RORB: variants seen among roughly 807,000 people sequenced by gnomAD.
The protein encoded by RORB is RAR related orphan receptor B.
RORB carries 6 observed loss-of-function variants against 59.1 expected under a neutral mutation model. The ratio of observed to expected loss-of-function variants is 0.10; its 90% confidence interval spans 0.06 to 0.20. RORB has a LOEUF of 0.20. Ranked by LOEUF, RORB falls within the 10% of genes least tolerant of loss-of-function variation. The pLI is 1.00. For synonymous variants in RORB, 215 were observed against 204.5 expected (o/e 1.05, Z -0.44); for missense variants, 320 against 560.5 (o/e 0.57, Z 4.33).
chr9:74,521,833 T>G (rs2118070936), intron 1 of RORB, among the ~76,000 whole-genome samples: 1 of 151,968 alleles, frequency 6.6e-6, no homozygotes, highest in Non-Finnish European at 1.5e-5. Flanking sequence ...TTTCCTAATC[T>G]GTAATAGTAT....
intron 4 of RORB, among the ~76,000 whole-genome samples, chr9:74,654,174 A>C (rs886424059): frequency 3.3e-5 from 5 of 152,156 alleles, no homozygotes; most frequent in African/African-American, 1.2e-4. Context: ...TGACCTTTTA[A>C]AACTCTATTT....
chr9:74,602,534 A>C (rs1823082117), intron 1 of RORB, among the ~76,000 whole-genome samples: 1 of 152,226 alleles, frequency 6.6e-6, no homozygotes, highest in Non-Finnish European at 1.5e-5. Context: ...CAGGATACAC[A>C]TGATGACAAG....
intron 9 of RORB, among the ~76,000 whole-genome samples, chr9:74,684,503 A>G (rs1824603867): frequency 1.3e-5 from 2 of 151,270 alleles, no homozygotes; most frequent in Admixed American, 6.6e-5. Context: ...TAATTTTGAC[A>G]CAAAAATGAT....
chr9:74,669,746 G>T (rs1386287185), intron 8 of RORB, among the ~76,000 whole-genome samples: 1 of 152,044 alleles, frequency 6.6e-6, no homozygotes, highest in Non-Finnish European at 1.5e-5. Context: ...TATCTGTAGA[G>T]ACCAGATGTC....
At chr9:74,624,799 T>G (rs947619190) in intron 1 of RORB, among the ~76,000 whole-genome samples, 1 of 152,218 alleles carries the variant, frequency 6.6e-6, no homozygotes, top group Non-Finnish European at 1.5e-5. Context: ...TGAGACCATC[T>G]GCAAAAGGAT....
At chr9:74,611,675 G>A (rs1446800267) in intron 1 of RORB, among the ~76,000 whole-genome samples, 1 of 152,114 alleles carries the variant, frequency 6.6e-6, no homozygotes, top group Non-Finnish European at 1.5e-5. Context: ...TTGAGATGGA[G>A]TTTCGCTATT....
intron 2 of RORB, among the ~76,000 whole-genome samples, 193 bp from the exon 3 acceptor site, chr9:74,634,434 ACCCT>A (rs1823669738): frequency 6.6e-6 from 1 of 152,258 alleles, no homozygotes; most frequent in Non-Finnish European, 1.5e-5. Context: ...AATGAATGAT[ACCCT>A]CATATCTTTG....
At chr9:74,650,576 T>C (rs75416992) in intron 4 of RORB, among the ~76,000 whole-genome samples, 3 of 152,176 alleles carry the variant, frequency 2.0e-5, no homozygotes, top group African/African-American at 7.2e-5. Flanking sequence ...ACAATTTTTG[T>C]TTTATTTTAT....
At chr9:74,662,432 A>G (rs971690801) in intron 5 of RORB, 42 bp from the exon 6 acceptor site, 2 of 1,605,072 alleles carry the variant, frequency 1.2e-6, no homozygotes, top group Non-Finnish European at 1.7e-6. Flanking sequence ...ACTCTCCGTA[A>G]GTCGTTTGCC....
chr9:74,630,221 G>A (rs1239201254), intron 1 of RORB, 61 bp from the exon 2 acceptor site: 3 of 1,591,418 alleles, frequency 1.9e-6, no homozygotes, highest in South Asian at 1.1e-5. Flanking sequence ...GAGAGAGATA[G>A]GAAGAGTGAA....
chr9:74,690,146 G>A lies in RORB; in HGVS notation c.*4528G>A, dbSNP rs1207312097. On this transcript the variant is annotated 3_prime_UTR_variant, in exon 10 of 10. Transcript: ENST00000376896. ...AGAGGAAAGCCTACCATCTGCTTTA[G>A]ACGAAGTGTTATTTGATGTTCTGTT... 2 of 152,176 alleles carry A rather than the reference G, an allele frequency of 1.3e-5. No homozygotes were observed. Among genetic ancestry groups the A allele is most frequent in the Non-Finnish European group, 2.9e-5 (2 of 68,044 alleles). The allele number at this position is 152,176 out of a possible 1,614,324, so 9.4% of individuals were successfully genotyped here.
chr9:74,526,966 C>A (rs909650343), intron 1 of RORB, among the ~76,000 whole-genome samples: 4 of 151,778 alleles, frequency 2.6e-5, no homozygotes, highest in Non-Finnish European at 5.9e-5. Context: ...CTGAATGGAA[C>A]GTTGGGATTA....
intron 6 of RORB, among the ~76,000 whole-genome samples, chr9:74,664,743 A>G (rs989545059): frequency 3.3e-5 from 5 of 152,254 alleles, no homozygotes; most frequent in Admixed American, 3.3e-4. Flanking sequence ...AAGTGATGGC[A>G]TAAGACAGGT....
At chr9:74,656,457 C>A (rs549988000) in intron 4 of RORB, among the ~76,000 whole-genome samples, 3 of 152,232 alleles carry the variant, frequency 2.0e-5, no homozygotes, top group African/African-American at 7.2e-5. Context: ...AAACCAAGGC[C>A]GGGCATGGTG....
At chr9:74,557,971 T>C (rs1822333954) in intron 1 of RORB, among the ~76,000 whole-genome samples, 1 of 152,194 alleles carries the variant, frequency 6.6e-6, no homozygotes, top group Non-Finnish European at 1.5e-5. Context: ...AACCAATTAC[T>C]GTATAAAATT....
chr9:74,606,704 G>A (rs1241998722), intron 1 of RORB, among the ~76,000 whole-genome samples: 2 of 152,174 alleles, frequency 1.3e-5, no homozygotes, highest in Non-Finnish European at 2.9e-5. Context: ...TCTTTCACTG[G>A]TTTTGGAACA....
chr9:74,607,318 T>A (rs1823163375), intron 1 of RORB, among the ~76,000 whole-genome samples: 2 of 152,184 alleles, frequency 1.3e-5, no homozygotes, highest in South Asian at 4.1e-4. Context: ...GACTTCAGAC[T>A]GCAAGGAGGT....
chr9:74,595,835 T>C (rs1302267908), intron 1 of RORB, among the ~76,000 whole-genome samples: 1 of 152,182 alleles, frequency 6.6e-6, no homozygotes, highest in Non-Finnish European at 1.5e-5. Flanking sequence ...GGGTCACGTT[T>C]ACTCTATTGG....
intron 8 of RORB, among the ~76,000 whole-genome samples, chr9:74,671,226 G>C (rs1220714292): frequency 6.6e-6 from 1 of 151,694 alleles, no homozygotes; most frequent in Admixed American, 6.6e-5. Context: ...GATGAAGAGA[G>C]GGAAGAAGGA....
Sources: allele counts gnomAD v4.1 joint callset (sites outside exome capture counted in the v4.1 genomes callset), GRCh38; gene constraint gnomAD v4.1.1; transcripts MANE v1.5; gene names NCBI Gene and HGNC (gene_info 2026-07-23, HGNC 2026-07-21).